IQCM: variants seen among roughly 807,000 people sequenced by gnomAD.
IQCM encodes IQ motif containing M.
In IQCM, 45 loss-of-function variants were observed where a neutral mutation model predicts 57.6. That is an observed-to-expected ratio of 0.78 (90% CI 0.62 to 1.00). IQCM has a LOEUF of 1.00. Among genes scored for constraint, IQCM ranks in the 50% least tolerant of loss-of-function variants. IQCM has a pLI of 0.00. For missense variants in IQCM, 468 were observed against 511.6 expected (o/e 0.91, Z 0.82); for synonymous variants, 148 against 158.9 (o/e 0.93, Z 0.51).
intron 12 of IQCM, among the ~76,000 whole-genome samples, chr4:149,479,305 C>T (rs1278639660): frequency 1.3e-5 from 2 of 152,134 alleles, no homozygotes; most frequent in African/African-American, 4.8e-5. Context: ...AAACACCATT[C>T]TAGGGGTAGA....
intron 8 of IQCM, among the ~76,000 whole-genome samples, chr4:149,616,997 G>A (rs1007134708): frequency 6.9e-6 from 1 of 145,182 alleles, no homozygotes; most frequent in Admixed American, 7.0e-5. Flanking sequence ...CACTCTTGTT[G>A]CCCAGGCTGG....
At chr4:149,515,071 CGTGTGTGTGTGTGT>C (rs58534209) in intron 12 of IQCM, among the ~76,000 whole-genome samples, 4 of 142,792 alleles carry the variant, frequency 2.8e-5, no homozygotes, top group Non-Finnish European at 6.1e-5. Context: ...TATATATACA[CGTGTGTGTGTGTGT>C]GTGTGTGTGT....
At chr4:149,434,424 C>T (rs1378321760) in intron 12 of IQCM, among the ~76,000 whole-genome samples, 1 of 152,084 alleles carries the variant, frequency 6.6e-6, no homozygotes, top group Non-Finnish European at 1.5e-5. Context: ...TCCTAAAATT[C>T]AACAAAGCAG....
chr4:149,606,712 A>T (rs1431074831), intron 8 of IQCM, among the ~76,000 whole-genome samples: 1 of 152,156 alleles, frequency 6.6e-6, no homozygotes, highest in Non-Finnish European at 1.5e-5. Context: ...TAACAAAGAG[A>T]TTAAAATAAT....
chr4:149,592,099 C>T (rs1032801324), intron 8 of IQCM, among the ~76,000 whole-genome samples: 9 of 152,184 alleles, frequency 5.9e-5, no homozygotes, highest in African/African-American at 2.2e-4. Flanking sequence ...TATTTCTCCA[C>T]ATCCTCTCCA....
At chr4:149,629,581 T>C (rs556215748) in intron 7 of IQCM, among the ~76,000 whole-genome samples, 1 of 152,120 alleles carries the variant, frequency 6.6e-6, no homozygotes, top group South Asian at 2.1e-4. Flanking sequence ...AAAAAAAAAT[T>C]AACAAGCAAT....
At chr4:149,641,873 A>G (rs1248163674) in intron 7 of IQCM, among the ~76,000 whole-genome samples, 2 of 152,152 alleles carry the variant, frequency 1.3e-5, no homozygotes, top group African/African-American at 4.8e-5. Flanking sequence ...AAGATCATTA[A>G]TCTGTTTGGG....
In IQCM at chr4:149,672,456, T is replaced by C. The variant is rs1761381989; in HGVS notation, c.565+9662A>G. On this transcript the variant is annotated intron_variant, in intron 7 of 13. Coordinates refer to ENST00000636793, the MANE Select transcript of IQCM (RefSeq NM_001363507.2). ...AATGACTTAATGGAGCTGAAAACTA[T>C]GGCACAAGAACTACGTGACGCATGC... Among the ~76,000 whole-genome samples, 3 of 152,146 alleles carry C rather than the reference T, an allele frequency of 2.0e-5. No individual in the cohort carries two copies. In the South Asian group the frequency reaches 6.2e-4, roughly 32 times the overall value.
At chr4:149,452,003 T>G (rs538820692) in intron 12 of IQCM, among the ~76,000 whole-genome samples, 1 of 151,884 alleles carries the variant, frequency 6.6e-6, no homozygotes, top group South Asian at 2.1e-4. Flanking sequence ...AATAAACAAG[T>G]GACTTTAGTC....
At chr4:149,533,037 T>C (rs1273032082) in intron 12 of IQCM, among the ~76,000 whole-genome samples, 1 of 152,042 alleles carries the variant, frequency 6.6e-6, no homozygotes, top group Admixed American at 6.6e-5. Context: ...AGTCAAACTC[T>C]TACAAAGGGA....
Position 149,456,570 on chromosome 4 carries a change from C to A in IQCM, c.1229-23013G>T, listed in dbSNP as rs537857106. On this transcript the variant is annotated intron_variant, in intron 12 of 13. Coordinates refer to ENST00000636793, the MANE Select transcript of IQCM (RefSeq NM_001363507.2). ...TTTTGACTGCAACCCATCACATGAG[C>A]AGATCAGGCAGATCAGCTGTAGAAT... is the stretch of plus-strand genomic sequence containing the variant. 2.0e-5 allele frequency among the ~76,000 whole-genome samples: 3 copies of A among 152,120 alleles called. No homozygotes were observed. The South Asian group carries it at 6.2e-4, about 32-fold the overall frequency.
At chr4:149,451,658 A>G (rs545276179) in intron 12 of IQCM, among the ~76,000 whole-genome samples, 1 of 151,938 alleles carries the variant, frequency 6.6e-6, no homozygotes, top group East Asian at 1.9e-4. Flanking sequence ...TAATATCTGA[A>G]TAGATGCAGA....
At position 149,518,824 on chromosome 4, in the gene IQCM, A is replaced by AAAGATGATGAGG. The variant is rs558905918; in HGVS notation, c.1228+29619_1228+29630dup. Among the ~76,000 whole-genome samples, 217 of 152,312 alleles carry AAAGATGATGAGG rather than the reference A, an allele frequency of 1.4e-3. 1 individual carries two copies. The highest frequency in any genetic ancestry group is 4.9e-3 in the African/African-American group (202 of 41,570). On this transcript the variant is annotated intron_variant, in intron 12 of 13. Coordinates refer to ENST00000636793, the MANE Select transcript of IQCM (RefSeq NM_001363507.2). ...GTAAAAGTCTCAGACAGAAGTTGAG[A>AAAGATGATGAGG]AAGATGATGAGGTTACTTAAAGAAA...
intron 13 of IQCM, among the ~76,000 whole-genome samples, chr4:149,355,842 T>C (rs903154949): frequency 1.3e-5 from 2 of 152,124 alleles, no homozygotes; most frequent in African/African-American, 4.8e-5. Flanking sequence ...ATGGTTGAAC[T>C]AGTTTACAGT....
chr4:149,578,362 C>T (rs549491307), intron 9 of IQCM, among the ~76,000 whole-genome samples: 25 of 151,834 alleles, frequency 1.6e-4, no homozygotes, highest in Admixed American at 9.2e-4. Flanking sequence ...CGGTAGGATA[C>T]TGAAAAATAT....
intron 2 of IQCM, among the ~76,000 whole-genome samples, chr4:149,814,810 T>C (rs141989404): frequency 0.022 from 3,348 of 152,090 alleles, 62 homozygotes; most frequent in South Asian, 0.035. Context: ...CTGATGGTTC[T>C]GTATATGACC....
intron 5 of IQCM, among the ~76,000 whole-genome samples, chr4:149,726,163 AT>A (rs952610993): frequency 7.2e-5 from 11 of 152,154 alleles, no homozygotes; most frequent in African/African-American, 2.4e-4. Context: ...AAAGAATTTC[AT>A]TTTTTCATAG....
At chr4:149,588,040 T>A in intron 8 of IQCM, 43 bp from the exon 9 acceptor site, 1 of 850,194 alleles carries the variant, frequency 1.2e-6, no homozygotes, top group Non-Finnish European at 1.6e-6. Context: ...AGAAAAACAA[T>A]GTTATCACCT....
intron 13 of IQCM, among the ~76,000 whole-genome samples, chr4:149,403,256 C>A (rs1020146989): frequency 1.7e-4 from 26 of 151,572 alleles, no homozygotes; most frequent in African/African-American, 6.1e-4. Context: ...ACTTTTTTTC[C>A]TCTGGCACAA....
Sources: allele counts gnomAD v4.1 joint callset (sites outside exome capture counted in the v4.1 genomes callset), GRCh38; gene constraint gnomAD v4.1.1; transcripts MANE v1.5; gene names NCBI Gene and HGNC (gene_info 2026-07-23, HGNC 2026-07-21).